Variants in UNC80 observed in about 807,000 individuals in gnomAD.
UNC80 encodes protein unc-80 homolog.
In UNC80, 164 loss-of-function variants were observed where a neutral mutation model predicts 384.6. The ratio of observed to expected loss-of-function variants is 0.43; its 90% confidence interval spans 0.38 to 0.49. UNC80 has a LOEUF of 0.49. Among genes scored for constraint, UNC80 ranks in the 20% least tolerant of loss-of-function variants. The pLI is 0.00. For synonymous variants in UNC80, 1,486 were observed against 1,527.8 expected (o/e 0.97, Z 0.64); for missense variants, 3,330 against 4,143.0 (o/e 0.80, Z 5.39).
chr2:209,968,387 C>T (rs2092794656), intron 52 of UNC80: 1 of 151,872 alleles, frequency 6.6e-6, no homozygotes, highest in African/African-American at 2.4e-5. Context: ...TAAACTAAAC[C>T]CAAAAATCAG....
intron 16 of UNC80, among the ~76,000 whole-genome samples, chr2:209,833,276 CAAAA>C (rs554565630): frequency 2.4e-4 from 23 of 97,334 alleles, no homozygotes; most frequent in Admixed American, 2.2e-4. Flanking sequence ...TTTCCTAAGG[CAAAA>C]AAAAAAAAAA....
intron 15 of UNC80, 120 bp from the exon 16 acceptor site, chr2:209,831,323 C>A (rs1010460786): frequency 6.6e-6 from 7 of 1,066,212 alleles, no homozygotes; most frequent in African/African-American, 1.6e-5. Context: ...ATCTTTAATT[C>A]CTTGTTTCTG....
chr2:209,830,241 A>G (rs2080856324), intron 15 of UNC80, among the ~76,000 whole-genome samples: 3 of 152,226 alleles, frequency 2.0e-5, no homozygotes, highest in Admixed American at 1.3e-4. Context: ...TAACCCAGGA[A>G]TATTGTTTGG....
At chr2:209,798,180 C>A (rs909372708) in intron 7 of UNC80, among the ~76,000 whole-genome samples, 3 of 152,194 alleles carry the variant, frequency 2.0e-5, no homozygotes. Context: ...TCCCATTTGT[C>A]AATTGTGGCT....
chr2:209,954,042 C>G, intron 47 of UNC80, 58 bp from the exon 48 acceptor site: 3 of 1,499,426 alleles, frequency 2.0e-6, no homozygotes, highest in Non-Finnish European at 2.7e-6. Flanking sequence ...TTAAGTGTGA[C>G]ACAACCAACA....
chr2:209,819,291 T>C, intron 12 of UNC80, 30 bp downstream of exon 12: 1 of 1,529,808 alleles, frequency 6.5e-7, no homozygotes, highest in Non-Finnish European at 8.8e-7. Context: ...CTTACCAAAG[T>C]TAGACAGATA....
At chr2:209,808,448 A>G (rs1462910658) in intron 7 of UNC80, among the ~76,000 whole-genome samples, 1 of 151,526 alleles carries the variant, frequency 6.6e-6, no homozygotes, top group Non-Finnish European at 1.5e-5. Context: ...CTGTAATCTC[A>G]GCTACTCAGG....
chr2:209,834,298 G>A (rs1022773650), intron 17 of UNC80, 130 bp downstream of exon 17: 19 of 987,430 alleles, frequency 1.9e-5, no homozygotes, highest in Non-Finnish European at 2.3e-5. Flanking sequence ...TGCGTAAGTG[G>A]TTTCACTGGT....
chr2:209,970,082 C>T (rs1203247568), intron 53 of UNC80, 191 bp downstream of exon 53: 4 of 678,516 alleles, frequency 5.9e-6, no homozygotes, highest in Non-Finnish European at 9.5e-6. Context: ...GAACCCATCC[C>T]TACACAGAAG....
chr2:209,813,029 G>A (rs959600983), intron 7 of UNC80, among the ~76,000 whole-genome samples: 4 of 152,006 alleles, frequency 2.6e-5, no homozygotes, highest in African/African-American at 9.7e-5. Context: ...TTAGCATTTT[G>A]TAGCTTTTCC....
Position 209,796,844 on chromosome 2 carries a change from C to T in UNC80, c.938+2985C>T, listed in dbSNP as rs550170195. Among the ~76,000 whole-genome samples the T allele has an allele frequency of 7.2e-5, 11 of 152,204 alleles. No homozygotes were observed. The South Asian group carries it at 8.3e-4, about 12-fold the overall frequency. On this transcript the variant is annotated intron_variant, in intron 7 of 64. Transcript: ENST00000673920. ...GTTTCAGGTATTTCTTTATCAACAG[C>T]GTGAAAACGAACTAATACACAGTTT...
At chr2:209,888,777 G>A (rs1056323021) in intron 26 of UNC80, among the ~76,000 whole-genome samples, 30 of 151,774 alleles carry the variant, frequency 2.0e-4, no homozygotes, top group Non-Finnish European at 3.2e-4. Flanking sequence ...CACCACGCCC[G>A]GCTAATTTTT....
chr2:209,820,003 ACT>A (rs1017323404), intron 12 of UNC80, among the ~76,000 whole-genome samples: 4 of 152,160 alleles, frequency 2.6e-5, no homozygotes, highest in Admixed American at 2.0e-4. Flanking sequence ...ACAAATAGTT[ACT>A]CTCTCATTAA....
intron 6 of UNC80, among the ~76,000 whole-genome samples, chr2:209,792,671 T>G (rs879533909): frequency 1.3e-5 from 2 of 152,182 alleles, no homozygotes; most frequent in Admixed American, 1.3e-4. Flanking sequence ...TTTATATTGA[T>G]TCTATGTTGA....
intron 61 of UNC80, among the ~76,000 whole-genome samples, chr2:209,985,388 A>G (rs2125026002): frequency 6.6e-6 from 1 of 152,350 alleles, no homozygotes; most frequent in Non-Finnish European, 1.5e-5. Flanking sequence ...AAGAATAGTA[A>G]TGTGGATACA....
intron 29 of UNC80, among the ~76,000 whole-genome samples, chr2:209,910,031 C>T (rs545909458): frequency 6.6e-6 from 1 of 150,548 alleles, no homozygotes; most frequent in South Asian, 2.2e-4. Context: ...GTTTGAATTT[C>T]ACTGAACTGC....
At chr2:209,821,364 C>T (rs1015229023) in intron 13 of UNC80, among the ~76,000 whole-genome samples, 1 of 152,142 alleles carries the variant, frequency 6.6e-6, no homozygotes. Flanking sequence ...CAAATACCAT[C>T]GGATTGAGGG....
intron 11 of UNC80, 80 bp downstream of exon 11, chr2:209,818,032 A>G: frequency 7.5e-6 from 11 of 1,471,250 alleles, no homozygotes; most frequent in Non-Finnish European, 1.0e-5. Flanking sequence ...TTACTTTCCC[A>G]TTGTAATCCG....
rs143027081 is a variant in UNC80 at position 209,926,968 on chromosome 2, C to T, written c.5788C>T (p.Arg1930Trp). The change falls in exon 36 of 65, where the codon CGG becomes TGG. Residue 1930 changes from arginine (R) to tryptophan (W), a missense_variant. By Grantham distance (101) the Arg-to-Trp change is moderately radical. Coordinates refer to ENST00000673920, the MANE Select transcript of UNC80 (RefSeq NM_001371986.1). ...IVHLMEDGEV[R>W]EDGVAVSAVA... The stretch of plus-strand genomic sequence containing the variant: ...TCATCTGATGGAGGATGGTGAGGTG[C>T]GGGAAGATGGAGTAGCAGGTACAGT... 9.0e-6 allele frequency: 14 copies of T among 1,551,816 alleles called. No individual in the cohort carries two copies. Among genetic ancestry groups the T allele is most frequent in the East Asian group, 4.9e-5 (2 of 40,906 alleles).
Sources: gnomAD v4.1 joint callset for allele counts (sites outside exome capture counted in the v4.1 genomes callset) on GRCh38, gnomAD v4.1.1 for gene constraint, MANE v1.5 for transcripts, NCBI Gene and HGNC (gene_info 2026-07-23, HGNC 2026-07-21) for gene names.